IGSF11: variants seen among roughly 807,000 people sequenced by gnomAD.
IGSF11 encodes the protein immunoglobulin superfamily member 11, also known as CXADR like 1.
In IGSF11, 22 loss-of-function variants were observed where a neutral mutation model predicts 41.0. The observed-to-expected ratio is 0.54, with a 90% CI of 0.38 to 0.77. The LOEUF (loss-of-function observed/expected upper bound fraction) is 0.77. IGSF11 is among the 30% of genes least tolerant of loss of function. IGSF11 has a pLI of 0.00. For synonymous variants in IGSF11, 219 were observed against 201.3 expected, an observed-to-expected ratio of 1.09 and a Z score of -0.74; for missense variants, 444 against 530.8, an observed-to-expected ratio of 0.84 and a Z score of 1.61.
At chr3:118,945,519 A>T (rs192228949) in intron 1 of IGSF11, among the ~76,000 whole-genome samples, 1 of 152,338 alleles carries the variant, frequency 6.6e-6, no homozygotes, top group African/African-American at 2.4e-5. Context: ...ATGTTAAAAA[A>T]CAAAAATTGG....
intron 1 of IGSF11, among the ~76,000 whole-genome samples, chr3:119,034,076 C>T (rs748627177): frequency 7.9e-5 from 12 of 152,166 alleles, no homozygotes; most frequent in Admixed American, 2.6e-4. Context: ...TCGGCCAAAA[C>T]GTGTATAGGC....
intron 1 of IGSF11, among the ~76,000 whole-genome samples, chr3:119,054,937 C>A (rs922893534): frequency 1.3e-5 from 2 of 152,124 alleles, no homozygotes; most frequent in Non-Finnish European, 2.9e-5. Context: ...CAAGTACGGG[C>A]GGACTGACAC....
chr3:119,145,526 CCTTCT>C (rs2077710639), intron 1 of IGSF11, among the ~76,000 whole-genome samples: 1 of 152,232 alleles, frequency 6.6e-6, no homozygotes, highest in South Asian at 2.1e-4. Flanking sequence ...GATTTGGCCT[CCTTCT>C]AACTCGCCTC....
chr3:119,103,850 T>C (rs1225128945), intron 1 of IGSF11, among the ~76,000 whole-genome samples: 1 of 152,206 alleles, frequency 6.6e-6, no homozygotes, highest in Admixed American at 6.5e-5. Context: ...TTGTTGGGTA[T>C]TTCCCCAGTT....
intron 1 of IGSF11, among the ~76,000 whole-genome samples, chr3:118,977,868 C>T (rs772933405): frequency 4.6e-5 from 7 of 152,152 alleles, no homozygotes; most frequent in Non-Finnish European, 1.0e-4. Flanking sequence ...GAGCCTAGCC[C>T]ACAATGGACT....
intron 1 of IGSF11, among the ~76,000 whole-genome samples, chr3:119,098,534 A>G (rs962166675): frequency 2.0e-5 from 3 of 152,204 alleles, no homozygotes; most frequent in African/African-American, 4.8e-5. Context: ...GCCTAGCACA[A>G]TAGAGATTAA....
chr3:119,095,106 A>G (rs1025244267), intron 1 of IGSF11, among the ~76,000 whole-genome samples: 1 of 152,240 alleles, frequency 6.6e-6, no homozygotes, highest in African/African-American at 2.4e-5. Flanking sequence ...GAAAAGTATC[A>G]AAGTAAAAAC....
upstream of IGSF11, among the ~76,000 whole-genome samples, chr3:119,038,621 A>G (rs1941000535): frequency 6.6e-6 from 1 of 152,204 alleles, no homozygotes; most frequent in Non-Finnish European, 1.5e-5. Context: ...TTTTTTTAGG[A>G]CTTGAAAAAG....
chr3:119,141,622 A>T (rs2077649386), intron 1 of IGSF11, among the ~76,000 whole-genome samples: 1 of 148,952 alleles, frequency 6.7e-6, no homozygotes, highest in Non-Finnish European at 1.5e-5. Context: ...CTAATATATT[A>T]GATACATTAG....
intron 1 of IGSF11, among the ~76,000 whole-genome samples, chr3:119,115,096 T>G (rs1359502156): frequency 6.6e-6 from 1 of 152,188 alleles, no homozygotes; most frequent in African/African-American, 2.4e-5. Context: ...GGTCCCTCCT[T>G]GAACATTGGG....
At chr3:119,046,220 A>G (rs1559832858) in intron 1 of IGSF11, among the ~76,000 whole-genome samples, 1 of 148,980 alleles carries the variant, frequency 6.7e-6, no homozygotes, top group Non-Finnish European at 1.5e-5. Flanking sequence ...CATTCAAACC[A>G]AAGGCAAAGA....
chr3:118,943,485 A>G (rs1313860245), intron 1 of IGSF11, among the ~76,000 whole-genome samples: 2 of 152,144 alleles, frequency 1.3e-5, no homozygotes, highest in Non-Finnish European at 2.9e-5. Context: ...TCTAGGGGCT[A>G]TTTTTTCGCT....
intron 1 of IGSF11, among the ~76,000 whole-genome samples, chr3:119,006,792 G>A (rs1937524963): frequency 6.6e-6 from 1 of 150,814 alleles, no homozygotes; most frequent in Non-Finnish European, 1.5e-5. Context: ...CAGGGGTCAG[G>A]GACCCACTTG....
At chr3:118,999,044 G>A (rs1405355895) in intron 1 of IGSF11, among the ~76,000 whole-genome samples, 1 of 151,872 alleles carries the variant, frequency 6.6e-6, no homozygotes, top group African/African-American at 2.4e-5. Context: ...GGAAATGGGG[G>A]TGCACTGGGG....
intron 1 of IGSF11, among the ~76,000 whole-genome samples, chr3:119,040,089 A>G (rs780419057): frequency 2.0e-5 from 3 of 152,180 alleles, no homozygotes; most frequent in Non-Finnish European, 4.4e-5. Context: ...ATGGTTTAGG[A>G]GTCATGCAGC....
At chr3:119,011,509 A>G (rs1415786158) in intron 1 of IGSF11, among the ~76,000 whole-genome samples, 1 of 152,198 alleles carries the variant, frequency 6.6e-6, no homozygotes, top group Non-Finnish European at 1.5e-5. Context: ...ACTCCAGTAG[A>G]AAAATCTGCC....
At chr3:119,127,653 A>G (rs2077421926) in intron 1 of IGSF11, among the ~76,000 whole-genome samples, 1 of 152,202 alleles carries the variant, frequency 6.6e-6, no homozygotes, top group Non-Finnish European at 1.5e-5. Context: ...GCAGCCAGAG[A>G]GAAAGGCCAG....
At chr3:119,041,622 A>G in intron 1 of IGSF11, among the ~76,000 whole-genome samples, 1 of 152,188 alleles carries the variant, frequency 6.6e-6, no homozygotes, top group Non-Finnish European at 1.5e-5. Context: ...AGGAGACATT[A>G]CTACATATGC....
intron 1 of IGSF11, among the ~76,000 whole-genome samples, chr3:118,996,630 C>T (rs1373606419): frequency 1.3e-5 from 2 of 151,252 alleles, no homozygotes; most frequent in Non-Finnish European, 2.9e-5. Context: ...TTTTGAGTCT[C>T]GCTCTGTCAC....
Sources: gnomAD v4.1 joint callset for allele counts (sites outside exome capture counted in the v4.1 genomes callset) on GRCh38, gnomAD v4.1.1 for gene constraint, MANE v1.5 for transcripts, NCBI Gene and HGNC (gene_info 2026-07-23, HGNC 2026-07-21) for gene names.